CLHC1: variants seen among roughly 807,000 people sequenced by gnomAD.
The protein encoded by CLHC1 is clathrin heavy chain linker domain containing 1, also known as clathrin heavy chain linker domain-containing protein 1.
A neutral mutation model predicts 69.5 loss-of-function variants in CLHC1; 72 were observed. That is an observed-to-expected ratio of 1.04 (90% CI 0.86 to 1.26). The LOEUF (loss-of-function observed/expected upper bound fraction) is 1.26, where lower values mean the gene tolerates loss of function less well. Ranked by LOEUF, CLHC1 falls within the 50% of genes most tolerant of loss-of-function variation. The pLI, the probability that CLHC1 is intolerant of heterozygous loss-of-function variation, is 0.00. For synonymous variants in CLHC1, 223 were observed against 224.3 expected (o/e 0.99, Z 0.05); for missense variants, 790 against 679.3 (o/e 1.16, Z -1.81).
At chr2:55,193,123 A>T (rs997133149) in intron 9 of CLHC1, among the ~76,000 whole-genome samples, 1 of 151,918 alleles carries the variant, frequency 6.6e-6, no homozygotes, top group African/African-American at 2.4e-5. Context: ...TGAACTCCTG[A>T]CCTTGTGATC....
At chr2:55,196,214 G>A (rs1336508327) in intron 9 of CLHC1, among the ~76,000 whole-genome samples, 1 of 152,170 alleles carries the variant, frequency 6.6e-6, no homozygotes, top group East Asian at 1.9e-4. Context: ...ACCACCACAG[G>A]CTCAAGTGCT....
chr2:55,181,530 C>T (rs375379138), intron 10 of CLHC1, 40 bp downstream of exon 10: 29 of 1,460,654 alleles, frequency 2.0e-5, no homozygotes, highest in African/African-American at 5.7e-5. Context: ...ACTTTATTAA[C>T]GAAATGTCAA....
At chr2:55,188,308 C>T (rs1277199570) in intron 9 of CLHC1, among the ~76,000 whole-genome samples, 5 of 151,924 alleles carry the variant, frequency 3.3e-5, no homozygotes, top group Non-Finnish European at 7.4e-5. Context: ...AGAGCAAGAC[C>T]CTGTCTTAAC....
At position 55,184,520 on chromosome 2, in the gene CLHC1, C is replaced by T. The variant is rs577684026; in HGVS notation, c.1007-2776G>A. On this transcript the variant is annotated intron_variant, in intron 9 of 12. Coordinates refer to ENST00000401408, the MANE Select transcript of CLHC1 (RefSeq NM_152385.4). ...ACATTGAAACAAAGATATTGTGCCT[C>T]CTATCCAACATTTTATAACATTCTA... is the stretch of plus-strand genomic sequence containing the variant. 4.6e-5 allele frequency among the ~76,000 whole-genome samples: 7 copies of T among 152,238 alleles called. No homozygotes were observed. The South Asian group carries it at 1.5e-3, about 32-fold the overall frequency.
intron 9 of CLHC1, among the ~76,000 whole-genome samples, chr2:55,199,568 AAATT>A (rs1671745528): frequency 6.6e-6 from 1 of 152,118 alleles, no homozygotes; most frequent in Non-Finnish European, 1.5e-5. Context: ...AAACAACAAA[AAATT>A]AAAAAGCTAG....
At chr2:55,210,747 A>G (rs992366903) in intron 5 of CLHC1, among the ~76,000 whole-genome samples, 12 of 152,204 alleles carry the variant, frequency 7.9e-5, no homozygotes, top group African/African-American at 2.9e-4. Flanking sequence ...ATTATTCTCA[A>G]CACAAAATAT....
At chr2:55,200,506 C>A (rs541453123) in intron 9 of CLHC1, among the ~76,000 whole-genome samples, 1 of 152,246 alleles carries the variant, frequency 6.6e-6, no homozygotes, top group African/African-American at 2.4e-5. Context: ...ATGCCCCTAA[C>A]ACTGGAGTAC....
chr2:55,178,582 T>C (rs955346716), intron 11 of CLHC1, among the ~76,000 whole-genome samples: 1 of 152,164 alleles, frequency 6.6e-6, no homozygotes. Context: ...CTCAAACTCC[T>C]GGGCTCACGC....
intron 3 of CLHC1, among the ~76,000 whole-genome samples, chr2:55,221,188 T>C (rs977152452): frequency 1.3e-5 from 2 of 152,222 alleles, no homozygotes; most frequent in African/African-American, 4.8e-5. Context: ...AACAGTTTAC[T>C]GAAGCCTTAA....
At chr2:55,224,178 G>C (rs2104096395) in intron 2 of CLHC1, 1 of 218,534 alleles carries the variant, frequency 4.6e-6, no homozygotes, top group South Asian at 5.3e-5. Flanking sequence ...CATACAACTT[G>C]ATACGCCCTT....
intron 8 of CLHC1, among the ~76,000 whole-genome samples, 155 bp from the exon 9 acceptor site, chr2:55,206,531 G>GT (rs1396581389): frequency 3.9e-5 from 6 of 152,136 alleles, no homozygotes; most frequent in African/African-American, 1.4e-4. Flanking sequence ...CATTCACACT[G>GT]TAAGATGTTC....
At chr2:55,220,973 C>A (rs530873284) in intron 3 of CLHC1, among the ~76,000 whole-genome samples, 3 of 152,082 alleles carry the variant, frequency 2.0e-5, no homozygotes, top group South Asian at 2.1e-4. Flanking sequence ...AAGGAAAGAC[C>A]CTGTTTCTCT....
At chr2:55,220,566 G>T (rs1674012572) in intron 3 of CLHC1, among the ~76,000 whole-genome samples, 1 of 152,010 alleles carries the variant, frequency 6.6e-6, no homozygotes, top group East Asian at 1.9e-4. Context: ...GACCATATAT[G>T]TCAATATTAT....
intron 7 of CLHC1, 55 bp downstream of exon 7, chr2:55,209,349 A>T (rs1347518891): frequency 3.8e-6 from 4 of 1,049,344 alleles, no homozygotes; most frequent in African/African-American, 1.8e-5. Context: ...CTAACTAGCT[A>T]GCGAAAAAAA....
rs1674227738 is a variant in CLHC1 at position 55,222,458 on chromosome 2, AC to A, written c.-48del. Reference sequence around the variant, plus strand: ...TTCACTGAAGAACAGCTAAATCTTGACCTGCTCTTGCAACAAAGCCAAAACT... The same window carrying A: ...TTCACTGAAGAACAGCTAAATCTTGACTGCTCTTGCAACAAAGCCAAAACT... On this transcript the variant is annotated 5_prime_UTR_variant, in exon 3 of 13. Coordinates refer to ENST00000401408, the MANE Select transcript of CLHC1 (RefSeq NM_152385.4). 1 of 1,484,410 alleles carries A rather than the reference AC, an allele frequency of 6.7e-7. No homozygotes were observed. The highest frequency in any genetic ancestry group is 9.1e-7 in the Non-Finnish European group (1 of 1,095,254). 92.0% of individuals were successfully genotyped at this position (1,484,410 alleles called of 1,614,324 possible).
At chr2:55,222,677 T>C (rs1674254706) in intron 2 of CLHC1, among the ~76,000 whole-genome samples, 184 bp from the exon 3 acceptor site, 1 of 151,882 alleles carries the variant, frequency 6.6e-6, no homozygotes, top group Non-Finnish European at 1.5e-5. Flanking sequence ...CCCAGCTCTT[T>C]GGGAGGCCGA....
chr2:55,226,147 G>A (rs865898026), intron 2 of CLHC1, among the ~76,000 whole-genome samples: 29 of 149,430 alleles, frequency 1.9e-4, no homozygotes, highest in African/African-American at 6.7e-4. Context: ...AGCCAAGATC[G>A]CACCACTGCA....
At chr2:55,191,456 G>A (rs755323284) in intron 9 of CLHC1, among the ~76,000 whole-genome samples, 22 of 152,058 alleles carry the variant, frequency 1.4e-4, no homozygotes, top group African/African-American at 4.3e-4. Flanking sequence ...GGCTGGTCTC[G>A]AACTTCTGAC....
At chr2:55,211,465 G>GCA (rs1472653726) in intron 5 of CLHC1, among the ~76,000 whole-genome samples, 11 of 138,484 alleles carry the variant, frequency 7.9e-5, no homozygotes, top group Non-Finnish European at 1.5e-4. Flanking sequence ...TCAGGCCACT[G>GCA]CACTACAGCC....
Sources: allele counts gnomAD v4.1 joint callset (sites outside exome capture counted in the v4.1 genomes callset), GRCh38; gene constraint gnomAD v4.1.1; transcripts MANE v1.5; gene names NCBI Gene and HGNC (gene_info 2026-07-23, HGNC 2026-07-21).